The following TEKT5 variants were observed in gnomAD, a reference collection of about 807,000 sequenced individuals.
TEKT5 encodes the protein tektin-5.
Under a neutral mutation model 48.7 loss-of-function variants are expected in TEKT5, and 52 were observed. That is an observed-to-expected ratio of 1.07 (90% CI 0.86 to 1.35). The LOEUF (loss-of-function observed/expected upper bound fraction) is 1.35. TEKT5 is among the 40% of genes most tolerant of loss of function. The probability of loss-of-function intolerance (pLI) is 0.00; values close to 1 mark genes in which losing one functional copy is unlikely to be tolerated. For missense variants in TEKT5, 831 were observed against 641.6 expected, an observed-to-expected ratio of 1.30 and a Z score of -3.19; for synonymous variants, 318 against 267.6, an observed-to-expected ratio of 1.19 and a Z score of -1.84.
chr16:10,640,074 C>CTTCTTCTCCTTCCTTCCT (rs150617108), intron 5 of TEKT5, among the ~76,000 whole-genome samples: 50,571 of 136,328 alleles, frequency 0.37, 11,219 homozygotes, highest in African/African-American at 0.6. Context: ...TTTCTTTCTC[C>CTTCTTCTCCTTCCTTCCT]TTCTTCTCCT....
chr16:10,694,367 C>T lies in TEKT5; in HGVS notation c.507G>A (p.Leu169=), dbSNP rs570693012. Residue 169 remains leucine (L), a synonymous_variant, in exon 1 of 7, where the codon TTG becomes TTA. Coordinates refer to ENST00000283025, the MANE Select transcript of TEKT5 (RefSeq NM_144674.2). ...LDRLLTENQN[L]ETVKRRLECA... is the part of the protein sequence containing the mutation. ...ACTCCAGCCGCCTCTTGACCGTCTC[C>T]AAGTTCTGGTTCTCAGTCAGAAGCC... 5.7e-5 allele frequency: 92 copies of T among 1,613,560 alleles called. No homozygotes were observed. Among genetic ancestry groups the T allele is most frequent in the Admixed American group, 1.2e-4 (7 of 59,934 alleles).
intron 5 of TEKT5, among the ~76,000 whole-genome samples, chr16:10,647,541 G>T (rs1214763249): frequency 2.0e-5 from 3 of 151,488 alleles, no homozygotes; most frequent in African/African-American, 7.3e-5. Context: ...AGCCCATCCA[G>T]GGCAGCTCCC....
At chr16:10,659,487 C>G (rs1209916344) in intron 5 of TEKT5, among the ~76,000 whole-genome samples, 1 of 152,142 alleles carries the variant, frequency 6.6e-6, no homozygotes, top group Non-Finnish European at 1.5e-5. Flanking sequence ...TCACACCATT[C>G]TCCTGCCTCA....
At chr16:10,659,606 C>G (rs181929519) in intron 5 of TEKT5, among the ~76,000 whole-genome samples, 17 of 152,224 alleles carry the variant, frequency 1.1e-4, no homozygotes, top group African/African-American at 2.9e-4. Flanking sequence ...CGTGATCTGC[C>G]CGCCTCAACC....
At chr16:10,689,382 C>A in intron 2 of TEKT5, 59 bp from the exon 3 acceptor site, 2 of 1,432,018 alleles carry the variant, frequency 1.4e-6, no homozygotes, top group Middle Eastern at 1.8e-4. Context: ...TCTTCTCTCC[C>A]AGGCCAGAGC....
chr16:10,645,113 ATGT>A (rs1212526007), intron 5 of TEKT5, among the ~76,000 whole-genome samples: 1 of 152,166 alleles, frequency 6.6e-6, no homozygotes, highest in Admixed American at 6.6e-5. Flanking sequence ...ATAAATTTTG[ATGT>A]TTACAAACCA....
chr16:10,655,747 T>C (rs1482201877), intron 5 of TEKT5, among the ~76,000 whole-genome samples: 1 of 152,182 alleles, frequency 6.6e-6, no homozygotes, highest in Non-Finnish European at 1.5e-5. Context: ...ACTTAAGATG[T>C]GATGGTGGAG....
chr16:10,658,879 G>A (rs182814638), intron 5 of TEKT5, among the ~76,000 whole-genome samples: 5 of 152,104 alleles, frequency 3.3e-5, no homozygotes, highest in East Asian at 1.9e-4. Flanking sequence ...CACCACACCC[G>A]GTTAATTTTT....
chr16:10,627,651 C>A lies in TEKT5; in HGVS notation c.1390G>T (p.Asp464Tyr), dbSNP rs188259437. Residue 464 changes from aspartate (D) to tyrosine (Y), a missense_variant, in exon 7 of 7, where the codon GAC becomes TAC. Asp to Tyr is a radical substitution (Grantham distance 160). Transcript: ENST00000283025. ...LAIKANTLCI[D>Y]KEKCMGMRKT... ...CGCATGCCCATGCACTTCTCCTTGTCGATGCAGAGGGTGTTGGCCTTGATG... is the reference window on the plus strand; with the variant it reads ...CGCATGCCCATGCACTTCTCCTTGTAGATGCAGAGGGTGTTGGCCTTGATG... 7 of 1,614,132 alleles carry A rather than the reference C, an allele frequency of 4.3e-6. No homozygotes were observed. The Admixed American group carries it at 5.0e-5, about 12-fold the overall frequency.
chr16:10,632,228 G>A (rs1326287247), intron 6 of TEKT5, among the ~76,000 whole-genome samples: 2 of 152,200 alleles, frequency 1.3e-5, no homozygotes, highest in African/African-American at 4.8e-5. Flanking sequence ...TGTGGATACT[G>A]AGCCCTTGAA....
At chr16:10,643,689 AAC>A (rs1204096678) in intron 5 of TEKT5, among the ~76,000 whole-genome samples, 1 of 152,246 alleles carries the variant, frequency 6.6e-6, no homozygotes, top group Non-Finnish European at 1.5e-5. Flanking sequence ...ATGTAAAAAT[AAC>A]ACTTTGGTAT....
chr16:10,656,608 T>C (rs1207399792), intron 5 of TEKT5, among the ~76,000 whole-genome samples: 1 of 152,130 alleles, frequency 6.6e-6, no homozygotes, highest in East Asian at 1.9e-4. Context: ...CCTATAGAAG[T>C]GAACCCCTAG....
At chr16:10,684,241 C>G (rs1453027213) in intron 3 of TEKT5, among the ~76,000 whole-genome samples, 2 of 152,100 alleles carry the variant, frequency 1.3e-5, no homozygotes, top group African/African-American at 4.8e-5. Flanking sequence ...CCAGCTAAAC[C>G]GAGTGTATCT....
intron 4 of TEKT5, among the ~76,000 whole-genome samples, chr16:10,678,416 G>T (rs538835008): frequency 3.3e-5 from 5 of 152,276 alleles, no homozygotes; most frequent in African/African-American, 1.2e-4. Flanking sequence ...ACATTTTAAA[G>T]CACACTTAGG....
chr16:10,634,036 C>A (rs1000092528), intron 6 of TEKT5, among the ~76,000 whole-genome samples: 1 of 152,148 alleles, frequency 6.6e-6, no homozygotes, highest in Non-Finnish European at 1.5e-5. Flanking sequence ...TCACATCTAG[C>A]AGTGGGGTCT....
intron 6 of TEKT5, among the ~76,000 whole-genome samples, chr16:10,631,358 C>CA (rs1555464289): frequency 2.7e-4 from 7 of 25,466 alleles, no homozygotes; most frequent in African/African-American, 7.5e-4. Context: ...GGGGTGGGGG[C>CA]GGGGGAGGGT....
At chr16:10,684,895 T>C (rs1056207775) in intron 3 of TEKT5, among the ~76,000 whole-genome samples, 4 of 152,170 alleles carry the variant, frequency 2.6e-5, no homozygotes, top group Non-Finnish European at 5.9e-5. Flanking sequence ...CCTGCCCAGA[T>C]GCGGGCCTCA....
intron 5 of TEKT5, among the ~76,000 whole-genome samples, chr16:10,651,471 G>C (rs1898154659): frequency 2.0e-5 from 3 of 152,136 alleles, no homozygotes; most frequent in Admixed American, 2.0e-4. Context: ...AATTCCCAGT[G>C]CCTACACAGG....
At chr16:10,628,030 G>C (rs1171631644) in intron 6 of TEKT5, among the ~76,000 whole-genome samples, 2 of 151,048 alleles carry the variant, frequency 1.3e-5, no homozygotes, top group East Asian at 1.9e-4. Context: ...TTTTTTATTA[G>C]AGGCAGGGTT....
Sources: allele counts gnomAD v4.1 joint callset (sites outside exome capture counted in the v4.1 genomes callset), GRCh38; gene constraint gnomAD v4.1.1; transcripts MANE v1.5; gene names NCBI Gene and HGNC (gene_info 2026-07-23, HGNC 2026-07-21).